CHCHD3: variants seen among roughly 807,000 people sequenced by gnomAD.
The protein encoded by CHCHD3 is coiled-coil-helix-coiled-coil-helix domain containing 3, also known as MICOS complex subunit MIC19.
Under a neutral mutation model 38.2 loss-of-function variants are expected in CHCHD3, and 20 were observed. That is an observed-to-expected ratio of 0.52 (90% CI 0.37 to 0.76). The LOEUF is 0.76. Ranked by LOEUF, CHCHD3 falls within the 30% of genes least tolerant of loss-of-function variation. The pLI is 0.00. For synonymous variants in CHCHD3, 82 were observed against 100.0 expected, an observed-to-expected ratio of 0.82 and a Z score of 1.07; for missense variants, 245 against 279.2, an observed-to-expected ratio of 0.88 and a Z score of 0.87.
chr7:132,821,022 C>T (rs1451276337), intron 6 of CHCHD3, among the ~76,000 whole-genome samples: 1 of 152,146 alleles, frequency 6.6e-6, no homozygotes, highest in Non-Finnish European at 1.5e-5. Flanking sequence ...GTGCTGCTAA[C>T]TGTTGGTTAA....
intron 1 of CHCHD3, among the ~76,000 whole-genome samples, chr7:133,077,385 C>T (rs1815031540): frequency 1.3e-5 from 2 of 152,198 alleles, no homozygotes; most frequent in African/African-American, 2.4e-5. Flanking sequence ...TCTTCATTTA[C>T]GGTCTCTCAA....
chr7:132,985,359 C>G (rs1237046166), intron 3 of CHCHD3, among the ~76,000 whole-genome samples: 1 of 73,392 alleles, frequency 1.4e-5, no homozygotes, highest in African/African-American at 5.2e-5. Context: ...GCCAGCCGCC[C>G]CGTCCGGGAA....
chr7:132,828,955 C>T (rs774356265), intron 6 of CHCHD3, among the ~76,000 whole-genome samples: 1 of 152,152 alleles, frequency 6.6e-6, no homozygotes, highest in Non-Finnish European at 1.5e-5. Flanking sequence ...AATTTAAATT[C>T]TACCTTCTAG....
intron 5 of CHCHD3, among the ~76,000 whole-genome samples, chr7:132,877,358 A>G (rs1585596142): frequency 6.6e-6 from 1 of 152,236 alleles, no homozygotes; most frequent in South Asian, 2.1e-4. Flanking sequence ...ATTTTTCCCC[A>G]GAGCACAAAC....
chr7:132,895,509 TG>T (rs1376819410), intron 4 of CHCHD3, among the ~76,000 whole-genome samples: 1 of 152,266 alleles, frequency 6.6e-6, no homozygotes, highest in Non-Finnish European at 1.5e-5. Context: ...ATGGTTTGGC[TG>T]TGTCCCCACC....
chr7:132,984,076 C>A (rs970021718), intron 3 of CHCHD3, among the ~76,000 whole-genome samples: 18 of 152,060 alleles, frequency 1.2e-4, no homozygotes. Flanking sequence ...CACGGTCTCC[C>A]TCTCCCTCTC....
intron 3 of CHCHD3, among the ~76,000 whole-genome samples, chr7:133,000,793 AT>A (rs1275994935): frequency 6.6e-6 from 1 of 152,186 alleles, no homozygotes; most frequent in Non-Finnish European, 1.5e-5. Context: ...GAGATGTTAT[AT>A]TTGTCACACT....
intron 4 of CHCHD3, among the ~76,000 whole-genome samples, chr7:132,961,708 C>T (rs772858543): frequency 4.5e-4 from 69 of 152,214 alleles, no homozygotes; most frequent in Admixed American, 6.5e-5. Flanking sequence ...AGTTACAATG[C>T]TGTACCTTCG....
rs535990668 is a variant in CHCHD3, at chr7:132,913,483, G to A, written c.370-27738C>T. Among the ~76,000 whole-genome samples the A allele has an allele frequency of 3.9e-5, 6 of 152,298 alleles. No individual in the cohort carries two copies. The South Asian group carries it at 6.2e-4, about 16-fold the overall frequency. The stretch of plus-strand genomic sequence containing the variant: ...AAAAAACAGGTCCCCCAGGCAGAGG[G>A]AATAGAATGCACAAAGCCCTAAAGG... On this transcript the variant is annotated intron_variant, in intron 4 of 7. Coordinates refer to ENST00000262570, the MANE Select transcript of CHCHD3 (RefSeq NM_017812.4).
intron 3 of CHCHD3, among the ~76,000 whole-genome samples, chr7:132,981,959 C>T (rs751503122): frequency 4.6e-5 from 7 of 152,202 alleles, no homozygotes; most frequent in South Asian, 4.2e-4. Context: ...AAATGAGTGA[C>T]GACAACCTCA....
At chr7:132,867,039 T>C (rs1381259009) in intron 5 of CHCHD3, among the ~76,000 whole-genome samples, 1 of 152,110 alleles carries the variant, frequency 6.6e-6, no homozygotes, top group African/African-American at 2.4e-5. Context: ...TTTTCTCTCC[T>C]CTTATTGAGT....
intron 1 of CHCHD3, among the ~76,000 whole-genome samples, chr7:133,070,765 C>T (rs1562954011): frequency 6.6e-6 from 1 of 152,054 alleles, no homozygotes; most frequent in Non-Finnish European, 1.5e-5. Context: ...GTGCTTAAAG[C>T]ATAACAGAAT....
At chr7:132,954,739 A>G (rs1258410275) in intron 4 of CHCHD3, among the ~76,000 whole-genome samples, 1 of 152,128 alleles carries the variant, frequency 6.6e-6, no homozygotes, top group Non-Finnish European at 1.5e-5. Flanking sequence ...CAGCAGTCCC[A>G]CTGAGGGGCC....
At position 132,982,007 on chromosome 7, in the gene CHCHD3, C is replaced by T. The variant is rs550690653; in HGVS notation, c.252-6721G>A. Reference sequence around the variant, plus strand: ...ATGCTAACAATGAATTTTATTTTAACGCATCATATTTTGTCAGAACCTGCC... The same window carrying T: ...ATGCTAACAATGAATTTTATTTTAATGCATCATATTTTGTCAGAACCTGCC... On this transcript the variant is annotated intron_variant, in intron 3 of 7. Coordinates refer to ENST00000262570, the MANE Select transcript of CHCHD3 (RefSeq NM_017812.4). Among the ~76,000 whole-genome samples the T allele has an allele frequency of 2.0e-5, 3 of 152,262 alleles. No homozygotes were observed. The East Asian group carries it at 5.8e-4, about 29-fold the overall frequency.
chr7:132,948,626 A>G lies in CHCHD3; in HGVS notation c.369+26543T>C, dbSNP rs551149615. On this transcript the variant is annotated intron_variant, in intron 4 of 7. Coordinates refer to ENST00000262570, the MANE Select transcript of CHCHD3 (RefSeq NM_017812.4). ...AAAAAGTTTCTATGGAAAATCAACT[A>G]CTAGTGTTCAAGTAACACATGTCTA... Among the ~76,000 whole-genome samples, 9 of 152,264 alleles carry G rather than the reference A, an allele frequency of 5.9e-5. No individual in the cohort carries two copies. The South Asian group carries it at 1.9e-3, about 32-fold the overall frequency.
intron 3 of CHCHD3, among the ~76,000 whole-genome samples, chr7:133,023,660 T>G (rs1813252941): frequency 6.6e-6 from 1 of 152,224 alleles, no homozygotes; most frequent in South Asian, 2.1e-4. Flanking sequence ...CACTTTATCT[T>G]AGATTAAAAT....
chr7:132,980,484 C>G (rs1811889982), intron 3 of CHCHD3, among the ~76,000 whole-genome samples: 1 of 152,146 alleles, frequency 6.6e-6, no homozygotes, highest in South Asian at 2.1e-4. Context: ...AAATACATAT[C>G]TCTCCTCATT....
chr7:132,833,331 TC>T (rs1807694377), intron 6 of CHCHD3, among the ~76,000 whole-genome samples: 1 of 152,174 alleles, frequency 6.6e-6, no homozygotes, highest in African/African-American at 2.4e-5. Flanking sequence ...CTGGATTTGC[TC>T]AGTGATTTAG....
At chr7:132,949,527 A>G (rs1443069662) in intron 4 of CHCHD3, among the ~76,000 whole-genome samples, 2 of 152,208 alleles carry the variant, frequency 1.3e-5, no homozygotes, top group Non-Finnish European at 2.9e-5. Flanking sequence ...CCAGAATGCA[A>G]AAATGTACGA....
Sources: allele counts gnomAD v4.1 joint callset (sites outside exome capture counted in the v4.1 genomes callset), GRCh38; gene constraint gnomAD v4.1.1; transcripts MANE v1.5; gene names NCBI Gene and HGNC (gene_info 2026-07-23, HGNC 2026-07-21).